Variants in FBLN5 observed in about 807,000 individuals in gnomAD.
The protein encoded by FBLN5 is fibulin 5.
A neutral mutation model predicts 61.6 loss-of-function variants in FBLN5; 24 were observed. The ratio of observed to expected loss-of-function variants is 0.39; its 90% CI spans 0.28 to 0.55. FBLN5 has a LOEUF of 0.55. Among genes scored for constraint, FBLN5 ranks in the 20% least tolerant of loss-of-function variants. The probability of loss-of-function intolerance (pLI) is 0.65; values close to 1 mark genes in which losing one functional copy is unlikely to be tolerated. For synonymous variants in FBLN5, 213 were observed against 219.8 expected, an observed-to-expected ratio of 0.97 and a Z score of 0.27; for missense variants, 470 against 594.1, an observed-to-expected ratio of 0.79 and a Z score of 2.17.
chr14:91,883,657 C>CA lies in FBLN5; in HGVS notation c.740-582dup, dbSNP rs58378742. On this transcript the variant is annotated intron_variant, in intron 7 of 10. Coordinates refer to ENST00000342058, the MANE Select transcript of FBLN5 (RefSeq NM_006329.4). ...AAACTTCACTGTGTAAAAAAAAAAA[C>CA]AAAAAAAACACACACACACAAAAAC... is the stretch of plus-strand genomic sequence containing the variant. 2.9e-4 allele frequency among the ~76,000 whole-genome samples: 37 copies of CA among 129,328 alleles called. 1 individual carries two copies. Among genetic ancestry groups the CA allele is most frequent in the East Asian group, 1.8e-3 (8 of 4,330 alleles). 84.8% of individuals were successfully genotyped at this position (129,328 alleles called of 152,430 possible).
chr14:91,924,264 A>G (rs1401817778), intron 4 of FBLN5, among the ~76,000 whole-genome samples: 5 of 152,274 alleles, frequency 3.3e-5, no homozygotes, highest in African/African-American at 9.6e-5. Flanking sequence ...ATCAGTGGTC[A>G]TAAGTTAACC....
intron 1 of FBLN5, among the ~76,000 whole-genome samples, chr14:91,945,861 A>T (rs1191951843): frequency 1.3e-5 from 2 of 152,160 alleles, no homozygotes; most frequent in Non-Finnish European, 2.9e-5. Flanking sequence ...GCTTTTTGAT[A>T]TTTGCCATGG....
At chr14:91,933,057 G>A (rs2055953514) in intron 4 of FBLN5, among the ~76,000 whole-genome samples, 1 of 152,208 alleles carries the variant, frequency 6.6e-6, no homozygotes. Flanking sequence ...ACTAATGTTA[G>A]TGAAATGTTT....
chr14:91,931,521 C>G (rs552867690), intron 4 of FBLN5, among the ~76,000 whole-genome samples: 114 of 152,332 alleles, frequency 7.5e-4, no homozygotes, highest in African/African-American at 2.6e-3. Flanking sequence ...TCTGCCTGTT[C>G]TCAGATCAAT....
intron 1 of FBLN5, among the ~76,000 whole-genome samples, chr14:91,945,336 G>A (rs2056167974): frequency 6.6e-6 from 1 of 152,114 alleles, no homozygotes; most frequent in Non-Finnish European, 1.5e-5. Flanking sequence ...GGGTGTGGAT[G>A]CCAGATGGAG....
chr14:91,898,482 G>A (rs1368181875), intron 4 of FBLN5, among the ~76,000 whole-genome samples: 3 of 152,094 alleles, frequency 2.0e-5, no homozygotes, highest in Non-Finnish European at 2.9e-5. Flanking sequence ...GGGCTTTCTC[G>A]GGGGGAGGCT....
Position 91,937,218 on chromosome 14 carries a change from G to A in FBLN5, c.125-17C>T, listed in dbSNP as rs1240534399. 6.2e-7 allele frequency: 1 copy of A among 1,613,942 alleles called. No homozygotes were observed. Among genetic ancestry groups the A allele is most frequent in the Non-Finnish European group, 8.5e-7 (1 of 1,180,012 alleles). ...CATCAATATCTGAAAGGCACAGAAA[G>A]GGCGAGCATTAGTGGCACCCCAACT... is the stretch of plus-strand genomic sequence containing the variant. On this transcript the variant is annotated splice_polypyrimidine_tract_variant and intron_variant, in intron 3 of 10. Coordinates refer to ENST00000342058, the MANE Select transcript of FBLN5 (RefSeq NM_006329.4).
intron 4 of FBLN5, among the ~76,000 whole-genome samples, chr14:91,930,144 T>C (rs2055898911): frequency 6.6e-6 from 1 of 152,206 alleles, no homozygotes; most frequent in South Asian, 2.1e-4. Context: ...AGATTTGAGA[T>C]AATGAAAACA....
chr14:91,876,313 C>T (rs1028148845), intron 10 of FBLN5, among the ~76,000 whole-genome samples: 3 of 152,172 alleles, frequency 2.0e-5, no homozygotes, highest in Admixed American at 6.5e-5. Flanking sequence ...AGCATATAAA[C>T]GCCCATGGAC....
intron 4 of FBLN5, among the ~76,000 whole-genome samples, chr14:91,917,575 CAAAAAAAAAAA>C (rs34458933): frequency 3.2e-5 from 2 of 63,474 alleles, no homozygotes; most frequent in African/African-American, 6.6e-5. Context: ...GACTCCATCT[CAAAAAAAAAAA>C]AAAAAAAAAA....
At chr14:91,875,359 G>A (rs1220594201) in intron 10 of FBLN5, among the ~76,000 whole-genome samples, 1 of 152,126 alleles carries the variant, frequency 6.6e-6, no homozygotes, top group Non-Finnish European at 1.5e-5. Flanking sequence ...AGGCCCTTGT[G>A]TAAGGTCTGC....
chr14:91,892,777 G>T (rs1378387343), intron 5 of FBLN5, among the ~76,000 whole-genome samples: 2 of 152,206 alleles, frequency 1.3e-5, no homozygotes, highest in Non-Finnish European at 2.9e-5. Context: ...TGCAAAAGCA[G>T]CATCTTCAGT....
In FBLN5 at chr14:91,870,236, C is replaced by G. The variant is rs1408189199; in HGVS notation, c.1335G>C (p.Gln445His). 6 of 1,614,104 alleles carry G rather than the reference C, an allele frequency of 3.7e-6. No homozygotes were observed. In the Admixed American group the frequency reaches 8.3e-5, roughly 22 times the overall value. ...TCCAGCCCGAGGCTCAGAATGGGTACTGCGACACATATATCCGCAGTCGGA... is the reference window on the plus strand; with the variant it reads ...TCCAGCCCGAGGCTCAGAATGGGTAGTGCGACACATATATCCGCAGTCGGA... The part of the protein sequence containing the change: ...SVIRLRIYVS[Q>H]YPF Residue 445 changes from glutamine to histidine, a missense_variant, in exon 11 of 11, where the codon CAG becomes CAC. Coordinates refer to ENST00000342058, the MANE Select transcript of FBLN5 (RefSeq NM_006329.4).
intron 3 of FBLN5, among the ~76,000 whole-genome samples, 155 bp from the exon 4 acceptor site, chr14:91,937,356 T>C (rs2056036723): frequency 6.6e-6 from 1 of 152,118 alleles, no homozygotes; most frequent in Admixed American, 6.6e-5. Flanking sequence ...AAATGTTGGC[T>C]GAAGTGTATC....
chr14:91,905,448 A>G (rs1890644269), intron 4 of FBLN5, among the ~76,000 whole-genome samples: 1 of 152,192 alleles, frequency 6.6e-6, no homozygotes, highest in Admixed American at 6.5e-5. Flanking sequence ...ACGATGACCT[A>G]GGGGAAGGGG....
chr14:91,928,551 C>T (rs1420809690), intron 4 of FBLN5, among the ~76,000 whole-genome samples: 9 of 151,960 alleles, frequency 5.9e-5, no homozygotes, highest in Non-Finnish European at 8.8e-5. Context: ...GAAGGAGGAT[C>T]GCTTGAGCCC....
chr14:91,884,970 C>T (rs1254798943), intron 7 of FBLN5, among the ~76,000 whole-genome samples: 1 of 152,210 alleles, frequency 6.6e-6, no homozygotes, highest in Non-Finnish European at 1.5e-5. Flanking sequence ...CACATGAGAA[C>T]CCACCATGGT....
At chr14:91,925,233 C>T (rs905772558) in intron 4 of FBLN5, among the ~76,000 whole-genome samples, 2 of 152,240 alleles carry the variant, frequency 1.3e-5, no homozygotes, top group South Asian at 2.1e-4. Context: ...ACATACCCGC[C>T]GGCCCCAGAG....
At chr14:91,906,360 C>T (rs559565306) in intron 4 of FBLN5, among the ~76,000 whole-genome samples, 5 of 152,166 alleles carry the variant, frequency 3.3e-5, no homozygotes, top group East Asian at 3.9e-4. Context: ...GCCCAGGAAA[C>T]GAGGGGAAGA....
Sources: gnomAD v4.1 joint callset for allele counts (sites outside exome capture counted in the v4.1 genomes callset) on GRCh38, gnomAD v4.1.1 for gene constraint, MANE v1.5 for transcripts, NCBI Gene and HGNC (gene_info 2026-07-23, HGNC 2026-07-21) for gene names.